Variants in TCTN1 observed in about 807,000 individuals in gnomAD.
TCTN1 encodes tectonic-1.
In TCTN1, 58 loss-of-function variants were observed where a neutral mutation model predicts 65.8. The ratio of observed to expected loss-of-function variants is 0.88; its 90% CI spans 0.71 to 1.10. The LOEUF is 1.10. Among genes scored for constraint, TCTN1 ranks in the 50% least tolerant of loss-of-function variants. The pLI, the probability that TCTN1 is intolerant of heterozygous loss-of-function variation, is 0.00. For missense variants in TCTN1, 645 were observed against 719.4 expected, an observed-to-expected ratio of 0.90 and a Z score of 1.18; for synonymous variants, 273 against 289.1, an observed-to-expected ratio of 0.94 and a Z score of 0.57.
chr12:110,639,438 CTG>C lies in TCTN1; in HGVS notation c.844-923_844-922del, dbSNP rs10673730. The stretch of plus-strand genomic sequence containing the variant: ...ATAATCCTACCACCCAGAGAAACCA[CTG>C]TGTGTGTGTGTGTGTGTGTGTATGT... On this transcript the variant is annotated intron_variant, in intron 7 of 14. Transcript: ENST00000397659. The surrounding 1 kb of genome is among the most constrained non-coding windows in gnomAD (Gnocchi z 4.9). Among the ~76,000 whole-genome samples the C allele has an allele frequency of 2.9e-3, 427 of 147,424 alleles. 2 individuals carry two copies. The highest frequency in any genetic ancestry group is 0.013 in the East Asian group (68 of 5,084).
chr12:110,623,781 C>T (rs534385667), intron 2 of TCTN1, among the ~76,000 whole-genome samples: 4 of 151,678 alleles, frequency 2.6e-5, no homozygotes, highest in Admixed American at 6.6e-5. Context: ...CTGTAGAGAT[C>T]GGGGTCTGTG....
intron 10 of TCTN1, 88 bp downstream of exon 10, chr12:110,641,715 G>A: frequency 7.3e-7 from 1 of 1,361,346 alleles, no homozygotes; most frequent in East Asian, 2.3e-5. Flanking sequence ...GGCTCCCCTG[G>A]GCTGCTTGTG....
chr12:110,637,728 CT>C (rs2066673534), intron 7 of TCTN1, among the ~76,000 whole-genome samples: 1 of 152,202 alleles, frequency 6.6e-6, no homozygotes, highest in South Asian at 2.1e-4. Context: ...ATGCAATGGG[CT>C]AGCTCTCACC....
At chr12:110,634,641 T>C (rs752201131) in intron 5 of TCTN1, 29 bp from the exon 6 acceptor site, 7 of 1,551,078 alleles carry the variant, frequency 4.5e-6, no homozygotes, top group Non-Finnish European at 6.1e-6. Flanking sequence ...TTGTATTTTT[T>C]TTTCCTTGGG....
At chr12:110,637,517 T>C (rs925234175) in intron 7 of TCTN1, among the ~76,000 whole-genome samples, 2 of 151,988 alleles carry the variant, frequency 1.3e-5, no homozygotes, top group African/African-American at 4.8e-5. Flanking sequence ...GTTTTCAAAC[T>C]TGTTTTAGTT....
At chr12:110,622,911 C>G (rs1454505293) in intron 2 of TCTN1, among the ~76,000 whole-genome samples, 2 of 152,170 alleles carry the variant, frequency 1.3e-5, no homozygotes, top group Non-Finnish European at 2.9e-5. Context: ...AACGGTTTCC[C>G]TCCCCATCCT....
In TCTN1 at chr12:110,641,455, A is replaced by G; in HGVS notation, c.1105-87A>G. The stretch of plus-strand genomic sequence containing the variant: ...TTCTTTTATTGGTTGGTAATTCCAT[A>G]TTTTATTATGAAAGAAGAATTTTTC... On this transcript the variant is annotated intron_variant, in intron 9 of 14. Coordinates refer to ENST00000397659, the MANE Select transcript of TCTN1 (RefSeq NM_001082538.3). 5.3e-6 allele frequency: 7 copies of G among 1,323,258 alleles called. No homozygotes were observed. In the South Asian group the frequency reaches 8.3e-5, roughly 16 times the overall value. 82.0% of individuals were successfully genotyped at this position (1,323,258 alleles called of 1,614,324 possible).
chr12:110,622,821 C>T (rs2065536011), intron 2 of TCTN1, among the ~76,000 whole-genome samples: 1 of 152,210 alleles, frequency 6.6e-6, no homozygotes, highest in Admixed American at 6.5e-5. Flanking sequence ...TTATGTAATT[C>T]TGCAGCATCA....
intron 6 of TCTN1, chr12:110,636,150 A>C (rs897482661): frequency 3.1e-6 from 1 of 322,034 alleles, no homozygotes; most frequent in Admixed American, 4.4e-5. Context: ...CCAGGAGTGC[A>C]AGAACTGTGC....
Position 110,641,112 on chromosome 12 carries a change from T to C in TCTN1, c.1067T>C (p.Val356Ala). 6.2e-7 allele frequency: 1 copy of C among 1,614,268 alleles called. No individual in the cohort carries two copies. Among genetic ancestry groups the C allele is most frequent in the East Asian group, 2.2e-5 (1 of 44,894 alleles). Reference sequence around the variant, plus strand: ...CTGGGGACAGTTAGCAGCGTAGTGGTCCCACTGCAGCAAAAGTTTGAAATT... The same window carrying C: ...CTGGGGACAGTTAGCAGCGTAGTGGCCCCACTGCAGCAAAAGTTTGAAATT... Reference protein sequence around the residue: ...FVLGTVSSVVVPLQQKFEIHF... With the variant: ...FVLGTVSSVVAPLQQKFEIHF... Residue 356 changes from valine to alanine, a missense_variant, in exon 9 of 15, where the codon GTC (valine) becomes GCC (alanine). By Grantham distance (64) the Val-to-Ala change is moderately conservative. Coordinates refer to ENST00000397659, the MANE Select transcript of TCTN1 (RefSeq NM_001082538.3).
At chr12:110,637,064 C>T (rs889728995) in intron 7 of TCTN1, among the ~76,000 whole-genome samples, 1 of 152,216 alleles carries the variant, frequency 6.6e-6, no homozygotes, top group Non-Finnish European at 1.5e-5. Context: ...ACCCCTTATT[C>T]TAGGGTTTGC....
At chr12:110,646,602 A>G (rs2067317662) in intron 12 of TCTN1, 1 of 154,552 alleles carries the variant, frequency 6.5e-6, no homozygotes, top group Admixed American at 6.4e-5. Flanking sequence ...CAGCCAACCA[A>G]AGGGGCAGCT....
chr12:110,631,529 A>G (rs1172448494), intron 4 of TCTN1, among the ~76,000 whole-genome samples: 1 of 151,974 alleles, frequency 6.6e-6, no homozygotes, highest in Non-Finnish European at 1.5e-5. Context: ...AGCTACTTGG[A>G]AGGCTGAGGC....
chr12:110,648,470 G>A (rs1310055876), intron 14 of TCTN1, among the ~76,000 whole-genome samples: 1 of 152,182 alleles, frequency 6.6e-6, no homozygotes, highest in Non-Finnish European at 1.5e-5. Context: ...ACTTGAAGCA[G>A]CAGAGGCAAG....
In TCTN1 at chr12:110,644,865, C is replaced by G; in HGVS notation, c.1332-102C>G. 5.3e-6 allele frequency: 8 copies of G among 1,521,568 alleles called. No homozygotes were observed. Among genetic ancestry groups the G allele is most frequent in the Non-Finnish European group, 7.2e-6 (8 of 1,105,366 alleles). 94.3% of individuals were successfully genotyped at this position (1,521,568 alleles called of 1,614,324 possible). A position where few individuals can be genotyped will look rare whatever the true frequency, so the allele number is the denominator to read the frequency against. On this transcript the variant is annotated intron_variant, in intron 11 of 14. Coordinates refer to ENST00000397659, the MANE Select transcript of TCTN1 (RefSeq NM_001082538.3). The surrounding 1 kb of genome is among the most constrained non-coding windows in gnomAD (Gnocchi z 4.6). ...TGGGCATCAGAGTGAGACCTTATCT[C>G]AAAAATAAATAAACAAAGGGAAGGA... is the stretch of plus-strand genomic sequence containing the variant.
intron 1 of TCTN1, among the ~76,000 whole-genome samples, chr12:110,614,655 A>AG (rs2064911291): frequency 6.6e-6 from 1 of 152,218 alleles, no homozygotes. Context: ...AAATACTTGA[A>AG]GTGGTCCCAG....
chr12:110,621,097 G>A (rs1393957096), intron 2 of TCTN1, among the ~76,000 whole-genome samples: 1 of 152,146 alleles, frequency 6.6e-6, no homozygotes, highest in South Asian at 2.1e-4. Context: ...AAGCCAACGC[G>A]CCCAGCTTCA....
intron 5 of TCTN1, chr12:110,634,397 C>T (rs1023351175): frequency 7.9e-6 from 4 of 506,440 alleles, no homozygotes; most frequent in Non-Finnish European, 1.5e-5. Flanking sequence ...ACATTGTAGG[C>T]CAGGCGTACT....
In TCTN1 at chr12:110,642,536, C is replaced by T. The variant is rs145319550; in HGVS notation, c.1331+147C>T. 2.5e-3 allele frequency: 2,910 copies of T among 1,165,444 alleles called. 6 individuals carry two copies. The highest frequency in any genetic ancestry group is 3.2e-3 in the Admixed American group (150 of 47,252). The allele number at this position is 1,165,444 out of a possible 1,614,324, so 72.2% of individuals were successfully genotyped here. ...GTATATCATCATGCATGAATAGTAG[C>T]AAAACTGTTACAATCATTTTTGTTA... On this transcript the variant is annotated intron_variant, in intron 11 of 14. Coordinates refer to ENST00000397659, the MANE Select transcript of TCTN1 (RefSeq NM_001082538.3).
Sources: allele counts gnomAD v4.1 joint callset (sites outside exome capture counted in the v4.1 genomes callset), GRCh38; gene constraint gnomAD v4.1.1; non-coding constraint Gnocchi (gnomAD v3.1); transcripts MANE v1.5; gene names NCBI Gene and HGNC (gene_info 2026-07-23, HGNC 2026-07-21).